The following FAM98B variants were observed in gnomAD, a reference collection of about 807,000 sequenced individuals.
The protein encoded by FAM98B is tRNA splicing ligase complex subunit 3B, also known as tRNA-splicing ligase complex subunit FAM98B.
Under a neutral mutation model 43.9 loss-of-function variants are expected in FAM98B, and 32 were observed. The observed-to-expected ratio is 0.73, with a 90% CI of 0.55 to 0.98. FAM98B has a LOEUF of 0.98. Among genes scored for constraint, FAM98B ranks in the 50% least tolerant of loss-of-function variants. The pLI is 0.00. For synonymous variants in FAM98B, 190 were observed against 174.0 expected, an observed-to-expected ratio of 1.09 and a Z score of -0.72; for missense variants, 514 against 522.9, an observed-to-expected ratio of 0.98 and a Z score of 0.17.
intron 1 of FAM98B, 125 bp downstream of exon 1, chr15:38,454,357 G>T (rs527516262): frequency 8.5e-6 from 8 of 944,208 alleles, no homozygotes; most frequent in Non-Finnish European, 1.3e-5. Context: ...TCCCTGCCTC[G>T]ATCCCTCCGG....
At chr15:38,463,717 C>A (rs890391318) in intron 1 of FAM98B, among the ~76,000 whole-genome samples, 6 of 151,776 alleles carry the variant, frequency 4.0e-5, no homozygotes, top group African/African-American at 1.5e-4. Flanking sequence ...TGGTATTTAT[C>A]TGAAAATTGG....
At position 38,484,692 on chromosome 15, in the gene FAM98B, C is replaced by T; in HGVS notation, c.*33C>T. ...AAAAATTAGATAGCAGTGCTTGCTT[C>T]TTTATAGATACATTAGAAATAGTGT... On this transcript the variant is annotated 3_prime_UTR_variant, in exon 8 of 8. Coordinates refer to ENST00000397609, the MANE Select transcript of FAM98B (RefSeq NM_173611.4). 5.3e-6 allele frequency: 8 copies of T among 1,496,954 alleles called. No homozygotes were observed. Among genetic ancestry groups the T allele is most frequent in the Non-Finnish European group, 7.1e-6 (8 of 1,131,786 alleles). 92.7% of individuals were successfully genotyped at this position (1,496,954 alleles called of 1,614,324 possible). A position where few individuals can be genotyped will look rare whatever the true frequency, so the allele number is the denominator to read the frequency against.
chr15:38,461,543 T>C (rs1286857978), intron 1 of FAM98B, among the ~76,000 whole-genome samples: 1 of 151,836 alleles, frequency 6.6e-6, no homozygotes, highest in East Asian at 1.9e-4. Flanking sequence ...AAATGAAATA[T>C]ATATATATAT....
chr15:38,466,180 ATTTGTGTGTGTG>A (rs1460125220), intron 3 of FAM98B, among the ~76,000 whole-genome samples: 1 of 132,292 alleles, frequency 7.6e-6, no homozygotes, highest in Non-Finnish European at 1.6e-5. Flanking sequence ...TAGAGATGAA[ATTTGTGTGTGTG>A]TGTGTGTGTG....
At chr15:38,478,081 T>C (rs1296587552) in intron 6 of FAM98B, among the ~76,000 whole-genome samples, 1 of 152,250 alleles carries the variant, frequency 6.6e-6, no homozygotes, top group African/African-American at 2.4e-5. Flanking sequence ...CTTAACGTAC[T>C]TTGATATTTT....
At position 38,473,530 on chromosome 15, in the gene FAM98B, A is replaced by G; in HGVS notation, c.557A>G (p.Gln186Arg). Residue 186 changes from glutamine (Q) to arginine (R), a missense_variant, in exon 5 of 8, where the codon CAG (glutamine) becomes CGG (arginine). Coordinates refer to ENST00000397609, the MANE Select transcript of FAM98B (RefSeq NM_173611.4). ...GTGAAAGATATTCTCTCAAAGGTCCAGAAAAATCATGTGGGAAAACCACTG... is the reference window on the plus strand; with the variant it reads ...GTGAAAGATATTCTCTCAAAGGTCCGGAAAAATCATGTGGGAAAACCACTG... ...SKVKDILSKV[Q>R]KNHVGKPLLK... The G allele has an allele frequency of 6.2e-7, 1 of 1,610,264 alleles. No individual in the cohort carries two copies.
rs187255610 is a variant in FAM98B at position 38,484,721 on chromosome 15, A to G, written c.*62A>G. ...ATAGATACATTAGAAATAGTGTTCCAAATAACATACTTGAATATCATCTTT... is the reference window on the plus strand; with the variant it reads ...ATAGATACATTAGAAATAGTGTTCCGAATAACATACTTGAATATCATCTTT... On this transcript the variant is annotated 3_prime_UTR_variant, in exon 8 of 8. Coordinates refer to ENST00000397609, the MANE Select transcript of FAM98B (RefSeq NM_173611.4). 10 of 1,480,924 alleles carry G rather than the reference A, an allele frequency of 6.8e-6. No homozygotes were observed. In the Admixed American group the frequency reaches 1.5e-4, roughly 22 times the overall value. The allele number at this position is 1,480,924 out of a possible 1,614,324, so 91.7% of individuals were successfully genotyped here.
intron 3 of FAM98B, among the ~76,000 whole-genome samples, chr15:38,469,212 A>ACCGTAGTGAAGTAGTG (rs143810868): frequency 0.26 from 39,623 of 152,050 alleles, 5,509 homozygotes; most frequent in East Asian, 0.52. Context: ...AGCCAAAAAC[A>ACCGTAGTGAAGTAGTG]AAGTCTTACC....
At chr15:38,468,694 A>T (rs1315266333) in intron 3 of FAM98B, among the ~76,000 whole-genome samples, 1 of 152,182 alleles carries the variant, frequency 6.6e-6, no homozygotes, top group Non-Finnish European at 1.5e-5. Context: ...ATCTTGCCTG[A>T]CCTTGGCAAT....
chr15:38,464,199 T>A (rs759555783), intron 2 of FAM98B, 22 bp downstream of exon 2: 5 of 1,595,032 alleles, frequency 3.1e-6, no homozygotes, highest in Non-Finnish European at 3.4e-6. Flanking sequence ...ATGTTGTATT[T>A]ACTTTTCTGT....
chr15:38,456,432 A>G (rs1368483624), intron 1 of FAM98B, among the ~76,000 whole-genome samples: 2 of 152,236 alleles, frequency 1.3e-5, no homozygotes, highest in African/African-American at 2.4e-5. Flanking sequence ...CAGTTGAGAA[A>G]CACTACTATG....
At chr15:38,454,804 C>T (rs1310029008) in intron 1 of FAM98B, among the ~76,000 whole-genome samples, 1 of 152,152 alleles carries the variant, frequency 6.6e-6, no homozygotes, top group East Asian at 1.9e-4. Context: ...TAAATTTCCC[C>T]TAGGCAAGGG....
chr15:38,484,237 A>G lies in FAM98B; in HGVS notation c.898-18A>G, dbSNP rs1282089977. 4 of 1,544,700 alleles carry G rather than the reference A, an allele frequency of 2.6e-6. No individual in the cohort carries two copies. Among genetic ancestry groups the G allele is most frequent in the South Asian group, 2.4e-5 (2 of 83,486 alleles). ...TTTTGAAATATTAGGAACTAAAAGA[A>G]AATGTTTCTTCACACAGGTGCTGAT... On this transcript the variant is annotated intron_variant, in intron 7 of 7. Transcript: ENST00000397609.
intron 4 of FAM98B, among the ~76,000 whole-genome samples, chr15:38,473,222 A>G (rs1312859449): frequency 1.3e-5 from 2 of 152,184 alleles, no homozygotes; most frequent in East Asian, 1.9e-4. Flanking sequence ...TTATTTCACT[A>G]AGACACAGAT....
Position 38,484,856 on chromosome 15 carries a change from T to G in FAM98B, c.*197T>G, listed in dbSNP as rs1890346086. On this transcript the variant is annotated 3_prime_UTR_variant, in exon 8 of 8. Transcript: ENST00000397609. ...ATCTCTCAAATGAAGTGATGACTTT[T>G]TCCATATTCTGTGTACCCTTGAGCA... The G allele has an allele frequency of 1.2e-6, 1 of 805,464 alleles. No homozygotes were observed. Among genetic ancestry groups the G allele is most frequent in the Non-Finnish European group, 1.7e-6 (1 of 574,798 alleles). The allele number at this position is 805,464 out of a possible 1,614,324, so 49.9% of individuals were successfully genotyped here.
chr15:38,458,215 CT>C (rs980786864), intron 1 of FAM98B, among the ~76,000 whole-genome samples: 3 of 152,180 alleles, frequency 2.0e-5, no homozygotes, highest in Non-Finnish European at 4.4e-5. Context: ...GAAACAAGTC[CT>C]CATCTTCCCA....
Position 38,486,036 on chromosome 15 carries a change from T to C in FAM98B, c.*1377T>C, listed in dbSNP as rs980806801. Reference sequence around the variant, plus strand: ...CCCAGTGGACAAGTGGTATTTGATGTTTAGCAGGTTTTTTTGTTGTTATTT... The same window carrying C: ...CCCAGTGGACAAGTGGTATTTGATGCTTAGCAGGTTTTTTTGTTGTTATTT... On this transcript the variant is annotated 3_prime_UTR_variant, in exon 8 of 8. Transcript: ENST00000397609. 1 of 152,138 alleles carries C rather than the reference T, an allele frequency of 6.6e-6. No homozygotes were observed. Among genetic ancestry groups the C allele is most frequent in the East Asian group, 1.9e-4 (1 of 5,192 alleles). 9.4% of individuals were successfully genotyped at this position (152,138 alleles called of 1,614,324 possible). A position where few individuals can be genotyped will look rare whatever the true frequency, so the allele number is the denominator to read the frequency against.
Position 38,477,358 on chromosome 15 carries a change from C to T in FAM98B, c.729+3060C>T, listed in dbSNP as rs560600211. ...CAGGAAAGGAGTAGCAGCATGTCAC[C>T]AGGGGTTGGAGGGATGGCCTATTTT... On this transcript the variant is annotated intron_variant, in intron 6 of 7. Transcript: ENST00000397609. 6.6e-5 allele frequency among the ~76,000 whole-genome samples: 10 copies of T among 151,704 alleles called. No individual in the cohort carries two copies. In the South Asian group the frequency reaches 2.1e-3, roughly 32 times the overall value.
chr15:38,478,542 A>G (rs1395808586), intron 6 of FAM98B, among the ~76,000 whole-genome samples: 1 of 152,180 alleles, frequency 6.6e-6, no homozygotes. Context: ...ACAGCAGTTT[A>G]AATCTTTGCA....
Sources: gnomAD v4.1 joint callset for allele counts (sites outside exome capture counted in the v4.1 genomes callset) on GRCh38, gnomAD v4.1.1 for gene constraint, MANE v1.5 for transcripts, NCBI Gene and HGNC (gene_info 2026-07-23, HGNC 2026-07-21) for gene names.